Variants in EFCAB9 observed in about 807,000 individuals in gnomAD.
EFCAB9 encodes EF-hand calcium-binding domain-containing protein 9.
EFCAB9 carries 16 observed loss-of-function variants against 15.6 expected under a neutral mutation model. The ratio of observed to expected loss-of-function variants is 1.03; its 90% CI spans 0.69 to 1.56. EFCAB9 has a LOEUF of 1.56. Ranked by LOEUF, EFCAB9 falls within the 40% of genes most tolerant of loss-of-function variation. The pLI is 0.00. For synonymous variants in EFCAB9, 76 were observed against 85.4 expected (o/e 0.89, Z 0.61); for missense variants, 208 against 235.4 (o/e 0.88, Z 0.76).
intron 1 of EFCAB9, among the ~76,000 whole-genome samples, chr5:172,198,836 A>G (rs955015806): frequency 3.7e-4 from 56 of 152,276 alleles, no homozygotes; most frequent in Non-Finnish European, 6.3e-4. Flanking sequence ...GGCTGGTCTC[A>G]AACTCCTGAC....
chr5:172,195,737 G>C (rs1383425948), intron 1 of EFCAB9, among the ~76,000 whole-genome samples: 2 of 152,214 alleles, frequency 1.3e-5, no homozygotes, highest in African/African-American at 2.4e-5. Flanking sequence ...CCTTCCTGTG[G>C]GGGAATGACT....
intron 2 of EFCAB9, among the ~76,000 whole-genome samples, 185 bp downstream of exon 2, chr5:172,199,716 G>C (rs918463869): frequency 3.9e-5 from 6 of 152,010 alleles, no homozygotes; most frequent in African/African-American, 1.4e-4. Context: ...CCAGCCTCTT[G>C]GCCGCCCTCC....
intron 1 of EFCAB9, 41 bp from the exon 2 acceptor site, chr5:172,199,342 A>G: frequency 6.5e-7 from 1 of 1,532,214 alleles, no homozygotes; most frequent in Non-Finnish European, 8.7e-7. Context: ...TTTTGGAACT[A>G]TATCCAAATA....
chr5:172,199,767 C>T (rs1771225863), intron 2 of EFCAB9, among the ~76,000 whole-genome samples: 1 of 152,110 alleles, frequency 6.6e-6, no homozygotes, highest in South Asian at 2.1e-4. Flanking sequence ...TGGCCCATCG[C>T]ATCCCTTCTT....
intron 2 of EFCAB9, 149 bp from the exon 3 acceptor site, chr5:172,200,417 T>A (rs1771237412): frequency 2.7e-6 from 2 of 727,926 alleles, no homozygotes; most frequent in Admixed American, 6.8e-5. Context: ...CATTTGCTGA[T>A]AGAACCCTTT....
At chr5:172,201,729 C>A (rs1008938069) in intron 3 of EFCAB9, among the ~76,000 whole-genome samples, 1 of 152,136 alleles carries the variant, frequency 6.6e-6, no homozygotes, top group Non-Finnish European at 1.5e-5. Flanking sequence ...ATCCTAAAGG[C>A]TGAGCACTGT....
Position 172,200,616 on chromosome 5 carries a change from C to A in EFCAB9, c.336C>A (p.Asp112Glu), listed in dbSNP as rs765056912. ...ATCGTCATTCCCGGCCTGTCTTTGA[C>A]CTGCTTGACCTGAAAGGGGATCTGA... ...FMYRHSRPVFDLLDLKGDLRI... is the reference protein window; with the variant it reads ...FMYRHSRPVFELLDLKGDLRI... Residue 112 changes from aspartate (D) to glutamate (E), a missense_variant, in exon 3 of 4, where the codon GAC becomes GAA. Physicochemically the swap from Asp to Glu is conservative, Grantham distance 45 (BLOSUM62 2). Transcript: ENST00000398186. 6.5e-7 allele frequency: 1 copy of A among 1,537,194 alleles called. No individual in the cohort carries two copies. Among genetic ancestry groups the A allele is most frequent in the South Asian group, 1.2e-5 (1 of 84,056 alleles).
chr5:172,200,677 C>A lies in EFCAB9; in HGVS notation c.397C>A (p.Leu133Ile), dbSNP rs1311543020. The change falls in exon 3 of 4, where the codon CTC becomes ATC. Residue 133 changes from leucine to isoleucine, a missense_variant. Physicochemically the swap from Leu to Ile is conservative, Grantham distance 5 (BLOSUM62 2). Transcript: ENST00000398186. ...GAKNFEMYRFLFNIQKQELKD... is the reference protein window; with the variant it reads ...GAKNFEMYRFIFNIQKQELKD... ...AAAAAACTTCGAAATGTACAGATTT[C>A]TCTTCAATATTCAAAAACAGGAACT... 3.3e-6 allele frequency: 5 copies of A among 1,537,316 alleles called. No homozygotes were observed. In the East Asian group the frequency reaches 7.3e-5, roughly 23 times the overall value.
intron 2 of EFCAB9, among the ~76,000 whole-genome samples, chr5:172,199,826 C>T (rs1452798425): frequency 1.3e-5 from 2 of 151,926 alleles, no homozygotes; most frequent in Non-Finnish European, 2.9e-5. Context: ...AGAGAATCAC[C>T]AGTTAGCTCA....
chr5:172,203,089 C>T, intron 3 of EFCAB9, 125 bp from the exon 4 acceptor site: 1 of 929,926 alleles, frequency 1.1e-6, no homozygotes, highest in South Asian at 1.9e-5. Flanking sequence ...TAATTATGTC[C>T]CAATTACTGA....
intron 1 of EFCAB9, among the ~76,000 whole-genome samples, chr5:172,198,633 T>C (rs947227783): frequency 3.9e-5 from 6 of 152,238 alleles, no homozygotes; most frequent in African/African-American, 1.4e-4. Flanking sequence ...GTTGTTGTTT[T>C]TGAGACGGAG....
Position 172,199,526 on chromosome 5 carries a change from C to T in EFCAB9, c.280C>T (p.His94Tyr), listed in dbSNP as rs1006591764. 4.6e-6 allele frequency: 7 copies of T among 1,536,992 alleles called. No homozygotes were observed. The highest frequency in any genetic ancestry group is 1.2e-5 in the South Asian group (1 of 84,026). ...CATGCTGGTGTGCATGCTGCTGGCC[C>T]ACCAGGCAAGTAGCCGCGCGGCTGC... is the stretch of plus-strand genomic sequence containing the variant. The part of the protein sequence containing the change: ...FYMLVCMLLA[H>Y]QNHLEGQFMY... Residue 94 changes from histidine (H) to tyrosine (Y), a missense_variant, in exon 2 of 4, where the codon CAC becomes TAC. Coordinates refer to ENST00000398186, the MANE Select transcript of EFCAB9 (RefSeq NM_001171183.2).
rs1771289929 is a variant in EFCAB9 at position 172,203,295 on chromosome 5, GAA to G, written c.548_549del (p.Lys183ArgfsTer19). Reference protein sequence around the residue: ...LQKRQKTEEKEKGERKRSLYS... With the variant: ...LQKRQKTEEKXKGERKRSLYS... ...GAAGAGGCAGAAAACAGAGGAGAAA[GAA>G]AAAGGAGAGAGAAAGAGAAGTCTCT... On this transcript the variant is annotated frameshift_variant, in exon 4 of 4. Transcript: ENST00000398186. LOFTEE classifies it low-confidence loss of function (END_TRUNC). 53 of 1,536,180 alleles carry G rather than the reference GAA, an allele frequency of 3.5e-5. No homozygotes were observed. The highest frequency in any genetic ancestry group is 4.2e-5 in the Non-Finnish European group (48 of 1,146,584).
In EFCAB9 at chr5:172,199,481, A is replaced by G. The variant is rs1477075268; in HGVS notation, c.235A>G (p.Ile79Val). The change falls in exon 2 of 4, where the codon ATC (isoleucine) becomes GTC (valine). Residue 79 changes from isoleucine (I) to valine (V), a missense_variant. Physicochemically the swap from Ile to Val is conservative, Grantham distance 29. Transcript: ENST00000398186. ...GCTGGACTGGAACGCTGTGGGCGAG[A>G]TCGACTTTGAGAAGTTCTACATGCT... ...DMLDWNAVGEIDFEKFYMLVC... is the reference protein window; with the variant it reads ...DMLDWNAVGEVDFEKFYMLVC... 6.5e-7 allele frequency: 1 copy of G among 1,537,344 alleles called. No homozygotes were observed.
intron 1 of EFCAB9, among the ~76,000 whole-genome samples, chr5:172,197,768 A>G (rs1322097599): frequency 6.6e-6 from 1 of 152,142 alleles, no homozygotes; most frequent in East Asian, 1.9e-4. Context: ...TGTGAAGAGT[A>G]AAAGAACAAA....
chr5:172,196,385 A>G (rs1331151887), intron 1 of EFCAB9, among the ~76,000 whole-genome samples: 1 of 146,856 alleles, frequency 6.8e-6, no homozygotes, highest in East Asian at 2.0e-4. Flanking sequence ...CAGTGGAGAC[A>G]TTTCTTTTTT....
chr5:172,200,056 C>T (rs1771231408), intron 2 of EFCAB9, among the ~76,000 whole-genome samples: 1 of 149,758 alleles, frequency 6.7e-6, no homozygotes, highest in African/African-American at 2.5e-5. Flanking sequence ...GTAGCTGGGA[C>T]TACAGGTGCA....
chr5:172,200,554 C>T lies in EFCAB9; in HGVS notation c.286-12C>T. On this transcript the variant is annotated splice_polypyrimidine_tract_variant and intron_variant, in intron 2 of 3. Transcript: ENST00000398186. Reference sequence around the variant, plus strand: ...ACACTGTTGCTCATCTCACCTATTTCTCTCGCAATAGAACCATTTGGAAGG... The same window carrying T: ...ACACTGTTGCTCATCTCACCTATTTTTCTCGCAATAGAACCATTTGGAAGG... The T allele has an allele frequency of 6.5e-7, 1 of 1,530,754 alleles. No individual in the cohort carries two copies. The highest frequency in any genetic ancestry group is 8.7e-7 in the Non-Finnish European group (1 of 1,143,858). The allele number at this position is 1,530,754 out of a possible 1,614,324, so 94.8% of individuals were successfully genotyped here. A position where few individuals can be genotyped will look rare whatever the true frequency, so the allele number is the denominator to read the frequency against.
intron 3 of EFCAB9, among the ~76,000 whole-genome samples, chr5:172,203,007 A>G (rs1321567498): frequency 2.0e-5 from 3 of 152,190 alleles, no homozygotes; most frequent in Non-Finnish European, 2.9e-5. Context: ...TCAAAAAAAT[A>G]AAAGTGGCCC....
Sources: gnomAD v4.1 joint callset for allele counts (sites outside exome capture counted in the v4.1 genomes callset) on GRCh38, gnomAD v4.1.1 for gene constraint, MANE v1.5 for transcripts, NCBI Gene and HGNC (gene_info 2026-07-23, HGNC 2026-07-21) for gene names.